PCDH7: variants seen among roughly 807,000 people sequenced by gnomAD.
The protein encoded by PCDH7 is protocadherin 7, also known as protocadherin-7.
PCDH7 carries 17 observed loss-of-function variants against 58.9 expected under a neutral mutation model. The observed-to-expected ratio is 0.29, with a 90% CI of 0.20 to 0.43. PCDH7 has a LOEUF of 0.43. Among genes scored for constraint, PCDH7 ranks in the 20% least tolerant of loss-of-function variants. The pLI, the probability that PCDH7 is intolerant of heterozygous loss-of-function variation, is 1.00. For synonymous variants in PCDH7, 664 were observed against 616.4 expected (o/e 1.08, Z -1.14); for missense variants, 1,274 against 1,441.0 (o/e 0.88, Z 1.88).
chr4:30,727,279 T>G (rs1390685621), intron 1 of PCDH7, among the ~76,000 whole-genome samples: 4 of 151,980 alleles, frequency 2.6e-5, no homozygotes, highest in African/African-American at 4.8e-5. Context: ...AAATTAGACA[T>G]TTTAAAGTGT....
At chr4:30,874,453 C>G (rs1578128150) in intron 1 of PCDH7, among the ~76,000 whole-genome samples, 1 of 151,100 alleles carries the variant, frequency 6.6e-6, no homozygotes, top group East Asian at 2.0e-4. Flanking sequence ...AAAAAGCAAA[C>G]ACTGCATGTT....
At chr4:30,979,498 A>C (rs1053248701) in intron 3 of PCDH7, among the ~76,000 whole-genome samples, 1 of 152,116 alleles carries the variant, frequency 6.6e-6, no homozygotes. Flanking sequence ...AGGCTCTCTC[A>C]GCAGTAGACC....
intron 3 of PCDH7, among the ~76,000 whole-genome samples, chr4:31,124,636 T>C (rs1718082523): frequency 6.6e-6 from 1 of 152,210 alleles, no homozygotes; most frequent in South Asian, 2.1e-4. Flanking sequence ...TTATGGATTG[T>C]GACCGTACAA....
intron 3 of PCDH7, among the ~76,000 whole-genome samples, chr4:31,068,179 T>C (rs1758242674): frequency 6.6e-6 from 1 of 151,934 alleles, no homozygotes. Context: ...TGATCTTTAT[T>C]TCTTTTGATC....
chr4:30,765,804 A>G (rs2109273485), intron 1 of PCDH7, among the ~76,000 whole-genome samples: 1 of 152,262 alleles, frequency 6.6e-6, no homozygotes, highest in East Asian at 1.9e-4. Flanking sequence ...AAGGCACCAA[A>G]GGATTTGAGG....
At chr4:31,013,157 G>A (rs915694822) in intron 3 of PCDH7, among the ~76,000 whole-genome samples, 1 of 150,108 alleles carries the variant, frequency 6.7e-6, no homozygotes, top group Non-Finnish European at 1.5e-5. Context: ...ACACCACTGT[G>A]CTCCAGCCTG....
chr4:31,110,527 A>T (rs747034881), intron 3 of PCDH7, among the ~76,000 whole-genome samples: 10 of 152,214 alleles, frequency 6.6e-5, no homozygotes, highest in Non-Finnish European at 1.5e-4. Flanking sequence ...CTAGTTGTTT[A>T]TCTCTCTATA....
At chr4:30,939,271 A>G (rs930394440) in intron 2 of PCDH7, among the ~76,000 whole-genome samples, 2 of 152,122 alleles carry the variant, frequency 1.3e-5, no homozygotes, top group Non-Finnish European at 2.9e-5. Flanking sequence ...TATAATAACC[A>G]TTTCAGTATT....
intron 3 of PCDH7, among the ~76,000 whole-genome samples, chr4:30,992,380 A>AGATGAT (rs1751528010): frequency 6.6e-6 from 1 of 152,200 alleles, no homozygotes; most frequent in Non-Finnish European, 1.5e-5. Flanking sequence ...CAAAGATATG[A>AGATGAT]GATGATCTTA....
intron 3 of PCDH7, among the ~76,000 whole-genome samples, chr4:30,998,613 T>A (rs1578522744): frequency 6.6e-6 from 1 of 152,206 alleles, no homozygotes; most frequent in Non-Finnish European, 1.5e-5. Context: ...ACTTTGAGGG[T>A]GTGGTCCAGC....
chr4:30,848,267 A>C (rs1732247975), intron 1 of PCDH7, among the ~76,000 whole-genome samples: 1 of 152,108 alleles, frequency 6.6e-6, no homozygotes, highest in South Asian at 2.1e-4. Flanking sequence ...GCAAACAAAA[A>C]TATATTTTAA....
At chr4:30,909,328 C>T (rs1424390446) in intron 1 of PCDH7, among the ~76,000 whole-genome samples, 3 of 152,058 alleles carry the variant, frequency 2.0e-5, no homozygotes, top group Non-Finnish European at 4.4e-5. Context: ...AAGTTCTGGC[C>T]AGGGCAATCA....
chr4:31,136,474 G>T (rs578212556), intron 3 of PCDH7, among the ~76,000 whole-genome samples: 1 of 152,138 alleles, frequency 6.6e-6, no homozygotes, highest in Non-Finnish European at 1.5e-5. Context: ...GCCCAGGAAT[G>T]GTACAGATGA....
chr4:30,879,705 A>G (rs1445070306), intron 1 of PCDH7, among the ~76,000 whole-genome samples: 2 of 152,168 alleles, frequency 1.3e-5, no homozygotes, highest in South Asian at 2.1e-4. Context: ...TTAATTTTAC[A>G]TATTCATAAC....
At chr4:30,988,983 G>T (rs1341165220) in intron 3 of PCDH7, among the ~76,000 whole-genome samples, 1 of 152,120 alleles carries the variant, frequency 6.6e-6, no homozygotes, top group Non-Finnish European at 1.5e-5. Flanking sequence ...TCATCAAAAA[G>T]TCCTCACCTT....
chr4:30,831,862 G>GT (rs35056533), intron 1 of PCDH7, among the ~76,000 whole-genome samples: 3 of 151,872 alleles, frequency 2.0e-5, no homozygotes, highest in Non-Finnish European at 4.4e-5. Context: ...TGCTAGTCAA[G>GT]TTTTTTTTCC....
intron 1 of PCDH7, among the ~76,000 whole-genome samples, chr4:30,880,028 G>A (rs569610643): frequency 6.6e-6 from 1 of 152,052 alleles, no homozygotes; most frequent in African/African-American, 2.4e-5. Flanking sequence ...CCAATGTTTG[G>A]AACCCCCACT....
At chr4:31,052,778 C>T (rs1047241936) in intron 3 of PCDH7, among the ~76,000 whole-genome samples, 11 of 152,030 alleles carry the variant, frequency 7.2e-5, no homozygotes, top group Admixed American at 3.3e-4. Flanking sequence ...TTTATCTGTT[C>T]GTAGGAATCA....
intron 3 of PCDH7, among the ~76,000 whole-genome samples, chr4:31,116,845 T>G (rs910200053): frequency 6.6e-6 from 1 of 151,334 alleles, no homozygotes; most frequent in South Asian, 2.1e-4. Context: ...TGTTGTTTGG[T>G]TTTTTTTGAG....
Sources: allele counts gnomAD v4.1 joint callset (sites outside exome capture counted in the v4.1 genomes callset), GRCh38; gene constraint gnomAD v4.1.1; transcripts MANE v1.5; gene names NCBI Gene and HGNC (gene_info 2026-07-23, HGNC 2026-07-21).